Variants in MTG1 observed in about 807,000 individuals in gnomAD.
MTG1 encodes mitochondrial ribosome-associated GTPase 1.
Under a neutral mutation model 39.5 loss-of-function variants are expected in MTG1, and 30 were observed. The observed-to-expected ratio is 0.76, with a 90% CI of 0.57 to 1.03. The LOEUF is 1.03. Among genes scored for constraint, MTG1 ranks in the 50% least tolerant of loss-of-function variants. MTG1 has a pLI of 0.00. For synonymous variants in MTG1, 217 were observed against 179.0 expected, an observed-to-expected ratio of 1.21 and a Z score of -1.69; for missense variants, 513 against 447.4, an observed-to-expected ratio of 1.15 and a Z score of -1.32.
At chr10:133,395,220 C>T (rs1849763240) in intron 1 of MTG1, among the ~76,000 whole-genome samples, 2 of 152,224 alleles carry the variant, frequency 1.3e-5, no homozygotes, top group East Asian at 1.9e-4. Flanking sequence ...ATGGTGAAAC[C>T]GTGTCTCTAC....
chr10:133,395,157 A>T (rs1849762094), intron 1 of MTG1, among the ~76,000 whole-genome samples: 1 of 152,156 alleles, frequency 6.6e-6, no homozygotes, highest in Non-Finnish European at 1.5e-5. Context: ...GTACTTTGGG[A>T]GGCCGAGGTG....
chr10:133,401,808 C>T (rs1003642738), intron 7 of MTG1: 1 of 694,334 alleles, frequency 1.4e-6, no homozygotes, highest in Middle Eastern at 2.4e-4. Context: ...GCTGTTTTCC[C>T]CATTTCCAGA....
intron 9 of MTG1, among the ~76,000 whole-genome samples, chr10:133,403,514 C>T (rs1849918378): frequency 1.3e-5 from 2 of 152,240 alleles, no homozygotes; most frequent in South Asian, 4.1e-4. Flanking sequence ...TAGAATTCCA[C>T]GTAGATGGAA....
chr10:133,413,147 GT>G (rs1441186742), intron 9 of MTG1, among the ~76,000 whole-genome samples: 1 of 152,160 alleles, frequency 6.6e-6, no homozygotes, highest in Admixed American at 6.5e-5. Flanking sequence ...GTCTCACTCT[GT>G]TTCTCAGGCT....
intron 9 of MTG1, among the ~76,000 whole-genome samples, chr10:133,413,631 C>G (rs1850077165): frequency 6.6e-6 from 1 of 152,116 alleles, no homozygotes; most frequent in Non-Finnish European, 1.5e-5. Context: ...ACTGTATCTT[C>G]TTTGTTAGCT....
rs1350386631 is a variant in MTG1, at chr10:133,420,604, G to A, written c.*439G>A. ...TAAGAAATGAGCAGGTTGGCAGCTAGGGTTTGTGTTGGAGGCTTTCGGTCC... is the reference window on the plus strand; with the variant it reads ...TAAGAAATGAGCAGGTTGGCAGCTAAGGTTTGTGTTGGAGGCTTTCGGTCC... On this transcript the variant is annotated 3_prime_UTR_variant, in exon 11 of 11. Coordinates refer to ENST00000317502, the MANE Select transcript of MTG1 (RefSeq NM_138384.4). 6.2e-6 allele frequency: 1 copy of A among 162,178 alleles called. No homozygotes were observed. Among genetic ancestry groups the A allele is most frequent in the Non-Finnish European group, 1.3e-5 (1 of 75,108 alleles). 10.0% of individuals were successfully genotyped at this position (162,178 alleles called of 1,614,324 possible).
rs142649386 is a variant in MTG1, at chr10:133,422,370, C to T, written c.*2205C>T. ...GCTGTGCCCAGGGAGGCCTCTTCAG[C>T]GGGATTGGCAGTTGCTGTGCCCTGA... is the stretch of plus-strand genomic sequence containing the variant. On this transcript the variant is annotated 3_prime_UTR_variant, in exon 11 of 11. Coordinates refer to ENST00000317502, the MANE Select transcript of MTG1 (RefSeq NM_138384.4). 6.7e-3 allele frequency: 1,019 copies of T among 152,502 alleles called. 3 individuals carry two copies. The highest frequency in any genetic ancestry group is 0.011 in the Non-Finnish European group (729 of 68,180). 9.4% of individuals were successfully genotyped at this position (152,502 alleles called of 1,614,324 possible). A position where few individuals can be genotyped will look rare whatever the true frequency, so the allele number is the denominator to read the frequency against.
intron 6 of MTG1, 75 bp from the exon 7 acceptor site, chr10:133,401,454 C>T: frequency 2.3e-6 from 3 of 1,306,650 alleles, no homozygotes; most frequent in Non-Finnish European, 3.2e-6. Context: ...GTGTTTGTTA[C>T]ATACGTCTCC....
intron 9 of MTG1, among the ~76,000 whole-genome samples, chr10:133,411,689 AGG>A (rs1850048959): frequency 1.3e-5 from 2 of 151,846 alleles, no homozygotes; most frequent in African/African-American, 4.8e-5. Context: ...GCCAGTCTTC[AGG>A]CTCACTGATT....
intron 9 of MTG1, among the ~76,000 whole-genome samples, chr10:133,406,030 T>G (rs573135476): frequency 6.6e-6 from 1 of 152,272 alleles, no homozygotes; most frequent in Non-Finnish European, 1.5e-5. Flanking sequence ...AAAGCCATTT[T>G]AACTAGGGTG....
In MTG1 at chr10:133,402,790, C is replaced by G. The variant is rs768598206; in HGVS notation, c.752+17C>G. The stretch of plus-strand genomic sequence containing the variant: ...GCGCTTTGGGTGAGTGCAGTGAATG[C>G]AGGGCAGCTGGGGCCCCTCCTCCTA... On this transcript the variant is annotated intron_variant, in intron 9 of 10. Transcript: ENST00000317502. This position sits in a 1 kb window ranked among gnomAD's most constrained non-coding sequence, Gnocchi z 4.7. 5.7e-6 allele frequency: 9 copies of G among 1,578,552 alleles called. No individual in the cohort carries two copies. The East Asian group carries it at 2.0e-4, about 36-fold the overall frequency.
At chr10:133,417,504 C>G (rs1282131631) in intron 9 of MTG1, among the ~76,000 whole-genome samples, 1 of 150,838 alleles carries the variant, frequency 6.6e-6, no homozygotes. Flanking sequence ...TCCTATTCAA[C>G]ATAGTGTTGG....
rs138239716 is a variant in MTG1, at chr10:133,397,404, C to T, written c.283-1031C>T. On this transcript the variant is annotated intron_variant, in intron 3 of 10. Transcript: ENST00000317502. ...GCAGCCAGACATTTGGGGCCACTAC[C>T]GGTCTCTGCATCTTGGTGGTAGTGG... 8.4e-3 allele frequency among the ~76,000 whole-genome samples: 1,280 copies of T among 152,142 alleles called. 11 individuals carry two copies. Among genetic ancestry groups the T allele is most frequent in the Middle Eastern group, 0.048 (14 of 294 alleles).
chr10:133,404,343 T>C (rs1042838456), intron 9 of MTG1, among the ~76,000 whole-genome samples: 2 of 151,958 alleles, frequency 1.3e-5, no homozygotes, highest in Admixed American at 1.3e-4. Flanking sequence ...CCCAGGCTGG[T>C]CTTGAACTCC....
Position 133,421,334 on chromosome 10 carries a change from A to G in MTG1, c.*1169A>G, listed in dbSNP as rs1052637691. ...CATTGCAGATCACGAAGTGTCCATCATAACTGGAACATTCCATCAGCTTGC... is the reference window on the plus strand; with the variant it reads ...CATTGCAGATCACGAAGTGTCCATCGTAACTGGAACATTCCATCAGCTTGC... On this transcript the variant is annotated 3_prime_UTR_variant, in exon 11 of 11. Coordinates refer to ENST00000317502, the MANE Select transcript of MTG1 (RefSeq NM_138384.4). 1 of 153,334 alleles carries G rather than the reference A, an allele frequency of 6.5e-6. No homozygotes were observed. The highest frequency in any genetic ancestry group is 1.5e-5 in the Non-Finnish European group (1 of 68,232). 9.5% of individuals were successfully genotyped at this position (153,334 alleles called of 1,614,324 possible). A position where few individuals can be genotyped will look rare whatever the true frequency, so the allele number is the denominator to read the frequency against.
intron 9 of MTG1, among the ~76,000 whole-genome samples, chr10:133,413,963 AG>A (rs1850084134): frequency 7.5e-6 from 1 of 133,238 alleles, no homozygotes; most frequent in African/African-American, 3.0e-5. Context: ...TTTCTCGCAG[AG>A]GGGGATTTGG....
At chr10:133,401,301 A>C (rs1015152861) in intron 6 of MTG1, 1 of 456,774 alleles carries the variant, frequency 2.2e-6, no homozygotes, top group Non-Finnish European at 3.8e-6. Flanking sequence ...CTGGTTTGTG[A>C]CTGAAAGTGA....
At chr10:133,412,747 T>C (rs1424237861) in intron 9 of MTG1, among the ~76,000 whole-genome samples, 3 of 152,236 alleles carry the variant, frequency 2.0e-5, no homozygotes, top group Non-Finnish European at 2.9e-5. Context: ...ATTAATTTTA[T>C]TGATTTTTCC....
intron 9 of MTG1, among the ~76,000 whole-genome samples, chr10:133,414,616 G>A (rs1421415952): frequency 2.6e-5 from 4 of 151,850 alleles, no homozygotes; most frequent in South Asian, 2.1e-4. Flanking sequence ...GATGGCGGCC[G>A]GGAAGAGGCG....
Sources: gnomAD v4.1 joint callset for allele counts (sites outside exome capture counted in the v4.1 genomes callset) on GRCh38, gnomAD v4.1.1 for gene constraint, Gnocchi (gnomAD v3.1) non-coding constraint, MANE v1.5 for transcripts, NCBI Gene and HGNC (gene_info 2026-07-23, HGNC 2026-07-21) for gene names.